CD2AP: variants seen among roughly 807,000 people sequenced by gnomAD.
The protein encoded by CD2AP is CD2-associated protein.
A neutral mutation model predicts 85.1 loss-of-function variants in CD2AP; 46 were observed. The observed-to-expected ratio is 0.54, with a 90% confidence interval of 0.43 to 0.69. CD2AP has a LOEUF of 0.69. Ranked by LOEUF, CD2AP falls within the 30% of genes least tolerant of loss-of-function variation. The pLI is 0.00. For missense variants in CD2AP, 769 were observed against 729.5 expected, an observed-to-expected ratio of 1.05 and a Z score of -0.62; for synonymous variants, 255 against 252.9, an observed-to-expected ratio of 1.01 and a Z score of -0.08.
At chr6:47,564,581 G>A (rs1374259201) in intron 5 of CD2AP, among the ~76,000 whole-genome samples, 1 of 152,000 alleles carries the variant, frequency 6.6e-6, no homozygotes, top group South Asian at 2.1e-4. Context: ...TTCTAAATGT[G>A]GAGCTTTGTG....
chr6:47,505,158 A>G (rs1390188293), intron 2 of CD2AP, among the ~76,000 whole-genome samples: 2 of 136,986 alleles, frequency 1.5e-5, no homozygotes, highest in Non-Finnish European at 3.2e-5. Context: ...TCGTTTTCCT[A>G]GGCAGAGGAC....
At chr6:47,598,186 A>G (rs1769000683) in intron 12 of CD2AP, among the ~76,000 whole-genome samples, 1 of 151,122 alleles carries the variant, frequency 6.6e-6, no homozygotes, top group Non-Finnish European at 1.5e-5. Context: ...ATACAAATCA[A>G]AACCGCAATG....
chr6:47,549,276 G>A (rs1189017498), intron 4 of CD2AP, among the ~76,000 whole-genome samples: 1 of 152,038 alleles, frequency 6.6e-6, no homozygotes, highest in Non-Finnish European at 1.5e-5. Flanking sequence ...ACTGTTTGCT[G>A]ATGATATGAT....
intron 17 of CD2AP, among the ~76,000 whole-genome samples, chr6:47,617,386 G>T (rs960993455): frequency 2.0e-5 from 3 of 152,108 alleles, no homozygotes; most frequent in African/African-American, 7.2e-5. Context: ...TAGCTCTAGT[G>T]CCTCTCCCCT....
intron 1 of CD2AP, among the ~76,000 whole-genome samples, chr6:47,480,545 T>G: frequency 6.6e-6 from 1 of 152,246 alleles, no homozygotes; most frequent in East Asian, 1.9e-4. Flanking sequence ...ACCTACTGGC[T>G]GTGTGACTGA....
chr6:47,596,085 C>A (rs1427786692), intron 12 of CD2AP, 59 bp downstream of exon 12: 3 of 1,182,064 alleles, frequency 2.5e-6, no homozygotes, highest in Non-Finnish European at 2.5e-6. Flanking sequence ...ACCTTAATGG[C>A]TCTATTGCCT....
At chr6:47,592,645 G>A (rs1487309018) in intron 11 of CD2AP, among the ~76,000 whole-genome samples, 1 of 152,040 alleles carries the variant, frequency 6.6e-6, no homozygotes, top group Non-Finnish European at 1.5e-5. Context: ...CTAAGGATGG[G>A]GAGGGGCCTT....
chr6:47,534,800 A>G (rs1465242338), intron 3 of CD2AP, among the ~76,000 whole-genome samples: 1 of 145,480 alleles, frequency 6.9e-6, no homozygotes, highest in Non-Finnish European at 1.5e-5. Flanking sequence ...CAGAGATTGA[A>G]TACTTTTTTT....
rs937574889 is a variant in CD2AP, at chr6:47,609,431, C to G, written c.1814+127C>G. On this transcript the variant is annotated intron_variant, in intron 16 of 17. Transcript: ENST00000359314. ...GTAGTTCGCGCCTGTAATCCCAGCA[C>G]TTTGGGAGACCAAGTTTGGAGGATT... 6 of 661,382 alleles carry G rather than the reference C, an allele frequency of 9.1e-6. No homozygotes were observed. In the African/African-American group the frequency reaches 1.1e-4, roughly 12 times the overall value. The allele number at this position is 661,382 out of a possible 1,614,324, so 41.0% of individuals were successfully genotyped here. A position where few individuals can be genotyped will look rare whatever the true frequency, so the allele number is the denominator to read the frequency against.
chr6:47,523,815 A>C (rs1168694520), intron 2 of CD2AP, among the ~76,000 whole-genome samples: 1 of 152,170 alleles, frequency 6.6e-6, no homozygotes. Context: ...GTGACATAAC[A>C]CTGTTATTTG....
chr6:47,511,869 T>G (rs1054889697), intron 2 of CD2AP, among the ~76,000 whole-genome samples: 12 of 110,226 alleles, frequency 1.1e-4, no homozygotes, highest in Admixed American at 1.0e-3. Context: ...TCTACTAAAA[T>G]ACAAAAAATT....
chr6:47,562,764 T>A, intron 5 of CD2AP: 1 of 962,174 alleles, frequency 1.0e-6, no homozygotes, highest in East Asian at 2.4e-5. Flanking sequence ...GGCAAGCTCA[T>A]GTTTGTGTGC....
intron 3 of CD2AP, among the ~76,000 whole-genome samples, chr6:47,540,956 T>C (rs1288431211): frequency 6.6e-6 from 1 of 152,208 alleles, no homozygotes; most frequent in Admixed American, 6.5e-5. Flanking sequence ...TGCAAAGGTA[T>C]TTAGGGACAC....
Position 47,478,235 on chromosome 6 carries a change from A to C in CD2AP, c.-10A>C, listed in dbSNP as rs761183938. 1.8e-5 allele frequency: 29 copies of C among 1,570,662 alleles called. No homozygotes were observed. The South Asian group carries it at 3.3e-4, about 18-fold the overall frequency. ...GCGGACGTCGGCTTCTCCCCGCGGGAGCCCCCAGCATGGGTAAGAGACTCG... is the reference window on the plus strand; with the variant it reads ...GCGGACGTCGGCTTCTCCCCGCGGGCGCCCCCAGCATGGGTAAGAGACTCG... On this transcript the variant is annotated 5_prime_UTR_variant, in exon 1 of 18. Transcript: ENST00000359314.
chr6:47,511,980 A>C (rs1335899204), intron 2 of CD2AP, among the ~76,000 whole-genome samples: 1 of 152,080 alleles, frequency 6.6e-6, no homozygotes, highest in Non-Finnish European at 1.5e-5. Context: ...AACACGGAGA[A>C]ACCCCGTCTC....
At chr6:47,576,860 G>A (rs1768327803) in intron 7 of CD2AP, 149 bp from the exon 8 acceptor site, 7 of 646,630 alleles carry the variant, frequency 1.1e-5, no homozygotes, top group Admixed American at 2.6e-5. Flanking sequence ...CTTAACATAC[G>A]GTATTGACTA....
intron 8 of CD2AP, among the ~76,000 whole-genome samples, chr6:47,578,997 C>T (rs942300732): frequency 7.9e-5 from 12 of 152,202 alleles, no homozygotes; most frequent in East Asian, 1.9e-4. Flanking sequence ...AACATTTTAA[C>T]GTTATAAATG....
rs1765343031 is a variant in CD2AP at position 47,477,927 on chromosome 6, T to A, written c.-318T>A. The A allele has an allele frequency of 6.2e-6, 3 of 484,542 alleles. No homozygotes were observed. The South Asian group carries it at 7.0e-5, about 11-fold the overall frequency. The allele number at this position is 484,542 out of a possible 1,614,324, so 30.0% of individuals were successfully genotyped here. A position where few individuals can be genotyped will look rare whatever the true frequency, so the allele number is the denominator to read the frequency against. On this transcript the variant is annotated 5_prime_UTR_variant, in exon 1 of 18. Coordinates refer to ENST00000359314, the MANE Select transcript of CD2AP (RefSeq NM_012120.3). The stretch of plus-strand genomic sequence containing the variant: ...GGGTCTGGGCAAACCGGTGGGTCCC[T>A]CCCCACTGCGGGAGCGGCCAGGGTG...
chr6:47,561,592 C>T (rs1767863089), intron 5 of CD2AP, among the ~76,000 whole-genome samples: 1 of 151,998 alleles, frequency 6.6e-6, no homozygotes. Context: ...GAAATGCTTA[C>T]ATGCACATAC....
Sources: allele counts gnomAD v4.1 joint callset (sites outside exome capture counted in the v4.1 genomes callset), GRCh38; gene constraint gnomAD v4.1.1; transcripts MANE v1.5; gene names NCBI Gene and HGNC (gene_info 2026-07-23, HGNC 2026-07-21).